LINGO2: variants seen among roughly 807,000 people sequenced by gnomAD.
LINGO2 encodes the protein leucine rich repeat and Ig domain containing 2, also known as leucine-rich repeat and immunoglobulin-like domain-containing nogo receptor-interacting protein 2.
A neutral mutation model predicts 30.6 loss-of-function variants in LINGO2; 14 were observed. That is an observed-to-expected ratio of 0.46 (90% confidence interval 0.30 to 0.72). LINGO2 has a LOEUF of 0.72. LINGO2 is among the 30% of genes least tolerant of loss of function. The pLI is 0.07. For missense variants in LINGO2, 729 were observed against 751.7 expected (o/e 0.97, Z 0.35); for synonymous variants, 317 against 288.5 (o/e 1.10, Z -1.00).
rs976129353 is a variant in LINGO2 at position 28,625,715 on chromosome 9, T to G, written c.-365+44485A>C. ...TATGGTTATACTAAAATTTGTTCATTTATTTATTCCTGAACATTTGGGTTG... is the reference window on the plus strand; with the variant it reads ...TATGGTTATACTAAAATTTGTTCATGTATTTATTCCTGAACATTTGGGTTG... On this transcript the variant is annotated intron_variant, in intron 1 of 5. Transcript: ENST00000379992. Among the ~76,000 whole-genome samples the G allele has an allele frequency of 1.1e-4, 16 of 152,248 alleles. 1 individual carries two copies. Among genetic ancestry groups the G allele is most frequent in the African/African-American group, 3.1e-4 (13 of 41,578 alleles).
the LINGO2 span, among the ~76,000 whole-genome samples, chr9:28,771,196 A>C: frequency 6.6e-6 from 1 of 152,126 alleles, no homozygotes; most frequent in Non-Finnish European, 1.5e-5. Flanking sequence ...CCCACATCTG[A>C]GCACCAGTTT....
the LINGO2 span, among the ~76,000 whole-genome samples, chr9:29,140,103 C>G: frequency 1.3e-5 from 2 of 152,036 alleles, no homozygotes; most frequent in Admixed American, 6.6e-5. Flanking sequence ...TGTATGAAGA[C>G]AGTTTGTAAA....
intron 4 of LINGO2, among the ~76,000 whole-genome samples, chr9:28,040,993 C>T (rs1824173398): frequency 6.6e-6 from 1 of 152,170 alleles, no homozygotes; most frequent in South Asian, 2.1e-4. Context: ...TTGACAGTAT[C>T]TATAGCAGAG....
chr9:28,118,533 C>T (rs1230440112), intron 4 of LINGO2, among the ~76,000 whole-genome samples: 2 of 151,974 alleles, frequency 1.3e-5, no homozygotes, highest in Non-Finnish European at 1.5e-5. Context: ...GTAGAAAATC[C>T]GTGCATATGA....
intron 4 of LINGO2, among the ~76,000 whole-genome samples, chr9:28,054,370 G>A (rs1258335266): frequency 6.6e-6 from 1 of 151,652 alleles, no homozygotes; most frequent in African/African-American, 2.4e-5. Context: ...GATGCTACAA[G>A]ATGCCGAAAG....
rs7468715 is a variant in LINGO2, at chr9:28,438,882, G to A, written c.-279+37058C>T. ...TATATATATTTATACATTATATATAGTGAAATATATATATTTATACATTAT... is the reference window on the plus strand; with the variant it reads ...TATATATATTTATACATTATATATAATGAAATATATATATTTATACATTAT... On this transcript the variant is annotated intron_variant, in intron 2 of 5. Coordinates refer to ENST00000379992, the Ensembl canonical transcript of LINGO2. Among the ~76,000 whole-genome samples, 8 of 138,604 alleles carry A rather than the reference G, an allele frequency of 5.8e-5. No individual in the cohort carries two copies. The East Asian group carries it at 1.7e-3, about 29-fold the overall frequency. The allele number at this position is 138,604 out of a possible 152,430, so 90.9% of individuals were successfully genotyped here. A position where few individuals can be genotyped will look rare whatever the true frequency, so the allele number is the denominator to read the frequency against.
At chr9:28,557,508 A>G (rs1175195674) in intron 1 of LINGO2, among the ~76,000 whole-genome samples, 6 of 152,036 alleles carry the variant, frequency 3.9e-5, no homozygotes, top group Non-Finnish European at 5.9e-5. Flanking sequence ...CAGGTGCTGG[A>G]GAGGATGTGG....
At chr9:29,066,855 C>T in the LINGO2 span, among the ~76,000 whole-genome samples, 38 of 151,836 alleles carry the variant, frequency 2.5e-4, no homozygotes, top group Admixed American at 2.0e-3. Context: ...GAAAAACCTG[C>T]TTTATGTTAG....
chr9:28,973,295 A>G, the LINGO2 span, among the ~76,000 whole-genome samples: 5 of 152,192 alleles, frequency 3.3e-5, no homozygotes, highest in African/African-American at 1.2e-4. Flanking sequence ...AAGAGAAAAG[A>G]AACAAATAAC....
At chr9:28,087,276 T>C (rs1007262360) in intron 4 of LINGO2, among the ~76,000 whole-genome samples, 1 of 152,006 alleles carries the variant, frequency 6.6e-6, no homozygotes, top group African/African-American at 2.4e-5. Flanking sequence ...ACTCATGAGG[T>C]TTTATTGTAA....
chr9:28,340,491 A>G (rs1378849782), intron 3 of LINGO2, among the ~76,000 whole-genome samples: 1 of 152,132 alleles, frequency 6.6e-6, no homozygotes, highest in Non-Finnish European at 1.5e-5. Context: ...ATATTCCAAC[A>G]TATATCACAC....
chr9:28,588,536 A>C (rs1563845783), intron 1 of LINGO2, among the ~76,000 whole-genome samples: 1 of 151,844 alleles, frequency 6.6e-6, no homozygotes, highest in Non-Finnish European at 1.5e-5. Context: ...GGATGGTGGG[A>C]GCATAAGGAT....
the LINGO2 span, among the ~76,000 whole-genome samples, chr9:28,847,341 C>T: frequency 6.8e-6 from 1 of 147,786 alleles, no homozygotes; most frequent in East Asian, 2.0e-4. Flanking sequence ...TAGAAATATG[C>T]CTTCTTTGAT....
chr9:28,060,248 T>C (rs1281080840), intron 4 of LINGO2, among the ~76,000 whole-genome samples: 6 of 152,062 alleles, frequency 3.9e-5, no homozygotes, highest in African/African-American at 7.2e-5. Context: ...TGAATTCAGA[T>C]CAAAGAATGC....
At chr9:28,265,898 A>G (rs1464328391) in intron 4 of LINGO2, among the ~76,000 whole-genome samples, 2 of 152,000 alleles carry the variant, frequency 1.3e-5, no homozygotes, top group Admixed American at 6.6e-5. Flanking sequence ...GCTCATAAAC[A>G]TAAACATGCC....
chr9:28,104,444 T>C (rs767085218), intron 4 of LINGO2, among the ~76,000 whole-genome samples: 1 of 151,884 alleles, frequency 6.6e-6, no homozygotes, highest in Non-Finnish European at 1.5e-5. Context: ...TATAAATAAC[T>C]CAGATTCTCC....
At chr9:28,121,067 C>T (rs1162275066) in intron 4 of LINGO2, among the ~76,000 whole-genome samples, 1 of 152,110 alleles carries the variant, frequency 6.6e-6, no homozygotes, top group African/African-American at 2.4e-5. Context: ...ATTTTAGATA[C>T]ACTGATAGAA....
chr9:28,420,537 C>T (rs2134875356), intron 2 of LINGO2, among the ~76,000 whole-genome samples: 1 of 152,130 alleles, frequency 6.6e-6, no homozygotes, highest in Admixed American at 6.5e-5. Context: ...CTACCATATG[C>T]ATACCATTGT....
chr9:28,251,439 G>C (rs576504929), intron 4 of LINGO2, among the ~76,000 whole-genome samples: 42 of 152,072 alleles, frequency 2.8e-4, no homozygotes, highest in Non-Finnish European at 5.0e-4. Flanking sequence ...CTAATTATCA[G>C]GTAAATTTAA....
Sources: allele counts gnomAD v4.1 joint callset (sites outside exome capture counted in the v4.1 genomes callset), GRCh38; gene constraint gnomAD v4.1.1; transcripts MANE v1.5; gene names NCBI Gene and HGNC (gene_info 2026-07-23, HGNC 2026-07-21).